Variants in RBM47 observed in about 807,000 individuals in gnomAD.
The protein encoded by RBM47 is RNA-binding protein 47.
In RBM47, 21 loss-of-function variants were observed where a neutral mutation model predicts 47.1. The observed-to-expected ratio is 0.45, with a 90% CI of 0.32 to 0.64. The LOEUF is 0.64. RBM47 is among the 30% of genes least tolerant of loss of function. RBM47 has a pLI of 0.05. For missense variants in RBM47, 708 were observed against 870.9 expected (o/e 0.81, Z 2.35); for synonymous variants, 375 against 361.7 (o/e 1.04, Z -0.42).
chr4:40,560,902 T>C (rs1730545894), intron 1 of RBM47, among the ~76,000 whole-genome samples: 1 of 151,512 alleles, frequency 6.6e-6, no homozygotes, highest in African/African-American at 2.4e-5. Context: ...GAAGTGGAGG[T>C]TGCAGTGAGC....
At chr4:40,497,054 A>AAAG (rs1553890449) in intron 2 of RBM47, among the ~76,000 whole-genome samples, 17 of 150,124 alleles carry the variant, frequency 1.1e-4, no homozygotes, top group South Asian at 6.3e-4. Context: ...AAAAAAAAAA[A>AAAG]AAAGAAAGAA....
chr4:40,446,199 T>C (rs1270740723), intron 3 of RBM47, among the ~76,000 whole-genome samples: 1 of 152,240 alleles, frequency 6.6e-6, no homozygotes, highest in African/African-American at 2.4e-5. Context: ...CTTGTGCATA[T>C]TAACTCATTC....
intron 2 of RBM47, among the ~76,000 whole-genome samples, chr4:40,497,079 G>A (rs1722707917): frequency 6.7e-6 from 1 of 148,928 alleles, no homozygotes; most frequent in African/African-American, 2.5e-5. Context: ...AGAAAGAAAT[G>A]GAAAAATGGA....
At chr4:40,512,704 G>C (rs531967321) in intron 2 of RBM47, among the ~76,000 whole-genome samples, 72 of 118,642 alleles carry the variant, frequency 6.1e-4, no homozygotes, top group African/African-American at 2.3e-3. Context: ...GACAGAGTGA[G>C]ACTTCATCTC....
intron 2 of RBM47, among the ~76,000 whole-genome samples, chr4:40,506,488 T>TACAGAGTAGAA (rs1724115348): frequency 6.6e-6 from 1 of 152,226 alleles, no homozygotes; most frequent in South Asian, 2.1e-4. Context: ...ATGGTTGGAA[T>TACAGAGTAGAA]CTTTGTGGAA....
chr4:40,457,872 G>C (rs1716537154), intron 3 of RBM47, among the ~76,000 whole-genome samples: 1 of 152,168 alleles, frequency 6.6e-6, no homozygotes, highest in African/African-American at 2.4e-5. Flanking sequence ...CTAGCACTTT[G>C]GGAAGCTGAG....
At chr4:40,441,837 C>T (rs1455822066) in intron 3 of RBM47, among the ~76,000 whole-genome samples, 1 of 152,228 alleles carries the variant, frequency 6.6e-6, no homozygotes, top group South Asian at 2.1e-4. Context: ...ACACAATTAT[C>T]TCTACATATT....
chr4:40,630,468 G>A (rs539591400), upstream of RBM47: 25 of 152,362 alleles, frequency 1.6e-4, no homozygotes, highest in African/African-American at 6.0e-4. Context: ...CTTACCTGGG[G>A]CCGAGCATGG....
intron 2 of RBM47, among the ~76,000 whole-genome samples, chr4:40,516,261 C>CTTTTTTTTTTTTTTTTT (rs541606790): frequency 7.5e-6 from 1 of 133,150 alleles, no homozygotes; most frequent in Non-Finnish European, 1.6e-5. Flanking sequence ...TCTTTTCTTT[C>CTTTTTTTTTTTTTTTTT]TTTTTTTTTT....
chr4:40,590,336 G>A (rs905153339), intron 1 of RBM47, among the ~76,000 whole-genome samples: 2 of 151,892 alleles, frequency 1.3e-5, no homozygotes, highest in Admixed American at 6.6e-5. Context: ...TTGAGGTGAC[G>A]GCAGGCCATG....
chr4:40,524,405 AT>A (rs1726503498), intron 2 of RBM47, among the ~76,000 whole-genome samples: 1 of 152,180 alleles, frequency 6.6e-6, no homozygotes, highest in Non-Finnish European at 1.5e-5. Context: ...AATAAATGAG[AT>A]TTCTAAAGAT....
intron 1 of RBM47, among the ~76,000 whole-genome samples, chr4:40,592,992 T>C (rs1734386963): frequency 1.6e-5 from 1 of 61,484 alleles, no homozygotes; most frequent in Non-Finnish European, 3.1e-5. Flanking sequence ...TTTTTTTTTT[T>C]TTTTTTTTTT....
intron 1 of RBM47, among the ~76,000 whole-genome samples, chr4:40,620,283 G>A (rs1005496163): frequency 6.7e-6 from 1 of 150,078 alleles, no homozygotes; most frequent in Admixed American, 6.7e-5. Context: ...CAAGGCGGGC[G>A]GATCACGAGG....
chr4:40,440,542 A>C (rs1713458240), intron 3 of RBM47, among the ~76,000 whole-genome samples: 1 of 152,244 alleles, frequency 6.6e-6, no homozygotes, highest in African/African-American at 2.4e-5. Flanking sequence ...GGAAAAAATA[A>C]AACTATAATG....
chr4:40,556,890 A>G (rs562855213), intron 1 of RBM47, among the ~76,000 whole-genome samples: 1 of 150,198 alleles, frequency 6.7e-6, no homozygotes, highest in African/African-American at 2.5e-5. Flanking sequence ...ACCTTGTCTC[A>G]AAAAAATATA....
intron 1 of RBM47, among the ~76,000 whole-genome samples, chr4:40,600,224 G>C (rs1226109425): frequency 1.3e-5 from 2 of 151,500 alleles, no homozygotes; most frequent in African/African-American, 2.4e-5. Flanking sequence ...TGGTGACCAG[G>C]CTGGTCTGGA....
At chr4:40,455,301 T>C (rs948916261) in intron 3 of RBM47, among the ~76,000 whole-genome samples, 1 of 152,232 alleles carries the variant, frequency 6.6e-6, no homozygotes, top group African/African-American at 2.4e-5. Context: ...GATGAGGCAG[T>C]GATTCCACGC....
At chr4:40,502,768 C>A (rs1241573741) in intron 2 of RBM47, among the ~76,000 whole-genome samples, 2 of 152,020 alleles carry the variant, frequency 1.3e-5, no homozygotes, top group African/African-American at 4.8e-5. Context: ...ATCACTTGAG[C>A]CCAGGAGGTT....
intron 2 of RBM47, among the ~76,000 whole-genome samples, chr4:40,468,476 G>A (rs1560393382): frequency 6.6e-6 from 1 of 152,186 alleles, no homozygotes; most frequent in Non-Finnish European, 1.5e-5. Flanking sequence ...AGGGGATGTT[G>A]TCGGGAGGTG....
Sources: allele counts gnomAD v4.1 joint callset (sites outside exome capture counted in the v4.1 genomes callset), GRCh38; gene constraint gnomAD v4.1.1; transcripts MANE v1.5; gene names NCBI Gene and HGNC (gene_info 2026-07-23, HGNC 2026-07-21).